ERO1B: variants seen among roughly 807,000 people sequenced by gnomAD.
The protein encoded by ERO1B is endoplasmic reticulum oxidoreductase 1 beta.
A neutral mutation model predicts 75.3 loss-of-function variants in ERO1B; 49 were observed. That is an observed-to-expected ratio of 0.65 (90% CI 0.52 to 0.83). ERO1B has a LOEUF of 0.83. Among genes scored for constraint, ERO1B ranks in the 40% least tolerant of loss-of-function variants. The probability of loss-of-function intolerance (pLI) is 0.00; values close to 1 mark genes in which losing one functional copy is unlikely to be tolerated. For missense variants in ERO1B, 512 were observed against 560.1 expected, an observed-to-expected ratio of 0.91 and a Z score of 0.87; for synonymous variants, 191 against 192.9, an observed-to-expected ratio of 0.99 and a Z score of 0.08.
At chr1:236,224,955 G>T in intron 13 of ERO1B, 115 bp downstream of exon 13, 1 of 958,508 alleles carries the variant, frequency 1.0e-6, no homozygotes, top group Non-Finnish European at 1.7e-6. Context: ...AATCCAATCA[G>T]ACCAACTCTG....
intron 9 of ERO1B, among the ~76,000 whole-genome samples, chr1:236,231,596 T>C (rs1277910163): frequency 6.6e-6 from 1 of 151,720 alleles, no homozygotes; most frequent in Non-Finnish European, 1.5e-5. Context: ...GAATCAAAAT[T>C]GTTAATGCAC....
Position 236,218,504 on chromosome 1 carries a change from T to C in ERO1B, c.*12A>G. The C allele has an allele frequency of 2.1e-6, 3 of 1,435,296 alleles. No individual in the cohort carries two copies. The highest frequency in any genetic ancestry group is 2.0e-4 in the Middle Eastern group (1 of 5,008). 88.9% of individuals were successfully genotyped at this position (1,435,296 alleles called of 1,614,324 possible). A position where few individuals can be genotyped will look rare whatever the true frequency, so the allele number is the denominator to read the frequency against. On this transcript the variant is annotated 3_prime_UTR_variant, in exon 16 of 16. Coordinates refer to ENST00000354619, the MANE Select transcript of ERO1B (RefSeq NM_019891.4). ...CACTTTATGTCTCTAGTTAGACACATAAAAGCCTTTATTACCTACTGTGTT... is the reference window on the plus strand; with the variant it reads ...CACTTTATGTCTCTAGTTAGACACACAAAAGCCTTTATTACCTACTGTGTT...
intron 1 of ERO1B, among the ~76,000 whole-genome samples, chr1:236,280,910 G>A (rs1056263626): frequency 2.0e-5 from 3 of 152,170 alleles, no homozygotes; most frequent in Non-Finnish European, 2.9e-5. Context: ...CCTCTCTGAA[G>A]GCGAAAGGAT....
At chr1:236,275,702 C>T (rs1488512546) in intron 1 of ERO1B, among the ~76,000 whole-genome samples, 6 of 152,072 alleles carry the variant, frequency 3.9e-5, no homozygotes, top group Admixed American at 6.6e-5. Flanking sequence ...GTAGGGTCCC[C>T]GTCTTAAGTC....
At chr1:236,281,545 G>C in intron 1 of ERO1B, 137 bp downstream of exon 1, 1 of 555,046 alleles carries the variant, frequency 1.8e-6, no homozygotes, top group Non-Finnish European at 2.8e-6. Context: ...TCTGCTCCCC[G>C]GGTTTTCTGC....
intron 2 of ERO1B, among the ~76,000 whole-genome samples, chr1:236,261,802 C>T (rs1403173655): frequency 6.6e-6 from 1 of 152,064 alleles, no homozygotes; most frequent in South Asian, 2.1e-4. Context: ...CCAGACACAG[C>T]AGCTCACATC....
At chr1:236,281,281 T>G (rs1236959376) in intron 1 of ERO1B, among the ~76,000 whole-genome samples, 1 of 151,912 alleles carries the variant, frequency 6.6e-6, no homozygotes, top group Non-Finnish European at 1.5e-5. Flanking sequence ...TCTCCCTCCC[T>G]CACTAACTCC....
rs1663945535 is a variant in ERO1B, at chr1:236,215,438, G to C, written c.*3078C>G. The C allele has an allele frequency of 6.6e-6, 1 of 152,126 alleles. No homozygotes were observed. The highest frequency in any genetic ancestry group is 2.4e-5 in the African/African-American group (1 of 41,436). 9.4% of individuals were successfully genotyped at this position (152,126 alleles called of 1,614,324 possible). ...CAGCCAATGCTTGCCATTATGATAA[G>C]AAACAACCTCAGACTACTTATAAAT... On this transcript the variant is annotated 3_prime_UTR_variant, in exon 16 of 16. Transcript: ENST00000354619.
At chr1:236,264,009 T>C (rs565483015) in intron 2 of ERO1B, among the ~76,000 whole-genome samples, 1 of 152,208 alleles carries the variant, frequency 6.6e-6, no homozygotes, top group African/African-American at 2.4e-5. Flanking sequence ...TGACTTTTTG[T>C]ATATCAAGTT....
At chr1:236,243,355 T>C (rs1164351992) in intron 6 of ERO1B, 67 bp downstream of exon 6, 1 of 1,119,056 alleles carries the variant, frequency 8.9e-7, no homozygotes, top group Admixed American at 2.6e-5. Flanking sequence ...TATATTTTCA[T>C]TGATTAAAAT....
At chr1:236,262,263 G>C (rs1303273504) in intron 2 of ERO1B, among the ~76,000 whole-genome samples, 1 of 152,206 alleles carries the variant, frequency 6.6e-6, no homozygotes, top group Non-Finnish European at 1.5e-5. Flanking sequence ...CTTTAATAAA[G>C]TGTTGGGAAA....
At position 236,229,128 on chromosome 1, in the gene ERO1B, T is replaced by C. The variant is rs542872406; in HGVS notation, c.712+1096A>G. ...TGGCCAACATATGCACATAGTTCATTACAAACAAAGAAATAGGCCAGGTAT... is the reference window on the plus strand; with the variant it reads ...TGGCCAACATATGCACATAGTTCATCACAAACAAAGAAATAGGCCAGGTAT... On this transcript the variant is annotated intron_variant, in intron 10 of 15. Transcript: ENST00000354619. Among the ~76,000 whole-genome samples, 10 of 152,258 alleles carry C rather than the reference T, an allele frequency of 6.6e-5. 1 individual carries two copies. The South Asian group carries it at 2.1e-3, about 32-fold the overall frequency.
chr1:236,221,024 G>T, intron 14 of ERO1B, 59 bp from the exon 15 acceptor site: 1 of 1,292,668 alleles, frequency 7.7e-7, no homozygotes. Flanking sequence ...TAGTAAAAAG[G>T]CTTAAAGGAA....
At chr1:236,251,627 AAGG>A (rs1424056152) in intron 4 of ERO1B, among the ~76,000 whole-genome samples, 1 of 151,828 alleles carries the variant, frequency 6.6e-6, no homozygotes, top group Non-Finnish European at 1.5e-5. Context: ...ACTCTCATAA[AAGG>A]ACAAGAACAA....
chr1:236,221,056 G>T, intron 14 of ERO1B, 91 bp from the exon 15 acceptor site: 1 of 984,326 alleles, frequency 1.0e-6, no homozygotes, highest in Non-Finnish European at 1.4e-6. Context: ...TGTTATGCCA[G>T]TTAGGAAATT....
intron 10 of ERO1B, among the ~76,000 whole-genome samples, chr1:236,228,239 T>C (rs1231662892): frequency 6.6e-6 from 1 of 152,138 alleles, no homozygotes; most frequent in Non-Finnish European, 1.5e-5. Flanking sequence ...ACAAAGCCCC[T>C]ACCACTGCAA....
intron 15 of ERO1B, 152 bp from the exon 16 acceptor site, chr1:236,218,728 A>C: frequency 4.6e-6 from 3 of 658,806 alleles, no homozygotes; most frequent in Non-Finnish European, 6.2e-6. Flanking sequence ...TAGTGTTCTC[A>C]TTAAGACTGG....
At position 236,269,104 on chromosome 1, in the gene ERO1B, G is replaced by A. The variant is rs189817420; in HGVS notation, c.222+771C>T. Among the ~76,000 whole-genome samples, 71 of 150,826 alleles carry A rather than the reference G, an allele frequency of 4.7e-4. 2 individuals are homozygous for A. The highest frequency in any genetic ancestry group is 6.1e-4 in the African/African-American group (25 of 41,054). On this transcript the variant is annotated intron_variant, in intron 2 of 15. Coordinates refer to ENST00000354619, the MANE Select transcript of ERO1B (RefSeq NM_019891.4). ...ACAAAAACTAGCTGGGTGTGGTGGC[G>A]GGCGCCTGTAATCCCAGCTACTCAG...
At chr1:236,251,312 T>TA (rs1403511639) in intron 4 of ERO1B, 1 of 157,102 alleles carries the variant, frequency 6.4e-6, no homozygotes, top group Non-Finnish European at 1.4e-5. Context: ...AATAAGAATA[T>TA]AAAATCACAG....
Sources: gnomAD v4.1 joint callset for allele counts (sites outside exome capture counted in the v4.1 genomes callset) on GRCh38, gnomAD v4.1.1 for gene constraint, MANE v1.5 for transcripts, NCBI Gene and HGNC (gene_info 2026-07-23, HGNC 2026-07-21) for gene names.